Variants in QRSL1 observed in about 807,000 individuals in gnomAD.
The protein encoded by QRSL1 is glutamyl-tRNA(Gln) amidotransferase subunit A, mitochondrial.
A neutral mutation model predicts 61.6 loss-of-function variants in QRSL1; 54 were observed. The observed-to-expected ratio is 0.88, with a 90% CI of 0.70 to 1.10. The LOEUF is 1.10. QRSL1 is among the 50% of genes least tolerant of loss of function. The pLI is 0.00. For missense variants in QRSL1, 505 were observed against 622.6 expected (o/e 0.81, Z 2.01); for synonymous variants, 228 against 225.7 (o/e 1.01, Z -0.09).
At position 106,643,096 on chromosome 6, in the gene QRSL1, T is replaced by TA; in HGVS notation, c.380+10dup. On this transcript the variant is annotated splice_region_variant and intron_variant, in intron 4 of 10. Coordinates refer to ENST00000369046, the MANE Select transcript of QRSL1 (RefSeq NM_018292.5). Reference sequence around the variant, plus strand: ...TTAGATGAGTTTGCTATGGGGTAAGTAAAATTGAAATCTTCTCTTGAGTTT... The same window carrying TA: ...TTAGATGAGTTTGCTATGGGGTAAGTAAAAATTGAAATCTTCTCTTGAGTTT... 1 of 1,565,858 alleles carries TA rather than the reference T, an allele frequency of 6.4e-7. No homozygotes were observed. Among genetic ancestry groups the TA allele is most frequent in the Non-Finnish European group, 8.7e-7 (1 of 1,142,956 alleles).
chr6:106,660,333 C>A (rs60880234), intron 9 of QRSL1, among the ~76,000 whole-genome samples: 5 of 151,384 alleles, frequency 3.3e-5, no homozygotes, highest in South Asian at 2.1e-4. Flanking sequence ...ACTCCCCACC[C>A]CCCCCGTGAA....
intron 9 of QRSL1, among the ~76,000 whole-genome samples, chr6:106,658,956 CT>C (rs111877084): frequency 0.086 from 12,960 of 151,570 alleles, 607 homozygotes; most frequent in East Asian, 0.11. Flanking sequence ...ACACTACATT[CT>C]TTTTTTTTCC....
chr6:106,643,678 C>T (rs1777060792), intron 4 of QRSL1, among the ~76,000 whole-genome samples: 1 of 142,466 alleles, frequency 7.0e-6, no homozygotes, highest in South Asian at 2.2e-4. Context: ...GCAACTCTGT[C>T]TCAAAAAAAA....
intron 7 of QRSL1, among the ~76,000 whole-genome samples, chr6:106,654,407 A>G (rs1379481925): frequency 6.6e-6 from 1 of 150,796 alleles, no homozygotes; most frequent in Admixed American, 6.6e-5. Flanking sequence ...CATTTAACAT[A>G]TATGCTGATA....
Position 106,666,006 on chromosome 6 carries a change from T to A in QRSL1, c.*4T>A, listed in dbSNP as rs780472192. On this transcript the variant is annotated 3_prime_UTR_variant, in exon 11 of 11. Coordinates refer to ENST00000369046, the MANE Select transcript of QRSL1 (RefSeq NM_018292.5). ...CTCTGTCTCTCTAAAACAGTAAACATATCTTACAAATTAAAATGACTTTTA... is the reference window on the plus strand; with the variant it reads ...CTCTGTCTCTCTAAAACAGTAAACAAATCTTACAAATTAAAATGACTTTTA... 3.1e-6 allele frequency: 5 copies of A among 1,611,636 alleles called. No individual in the cohort carries two copies. In the African/African-American group the frequency reaches 6.7e-5, roughly 22 times the overall value.
intron 3 of QRSL1, chr6:106,642,375 T>A (rs1777035573): frequency 4.8e-6 from 2 of 412,958 alleles, no homozygotes; most frequent in African/African-American, 2.0e-5. Context: ...TTCTTACATA[T>A]GATTTACATG....
intron 9 of QRSL1, among the ~76,000 whole-genome samples, chr6:106,661,792 A>G (rs3789230): frequency 0.038 from 4,806 of 127,096 alleles, 267 homozygotes; most frequent in East Asian, 0.24. Flanking sequence ...GCTCACTACA[A>G]CCTCCGCCTC....
chr6:106,632,324 T>G (rs1771779389), intron 1 of QRSL1, among the ~76,000 whole-genome samples: 1 of 152,234 alleles, frequency 6.6e-6, no homozygotes, highest in African/African-American at 2.4e-5. Flanking sequence ...TAGGTGCATA[T>G]ATACGTAGCA....
At chr6:106,634,152 T>C (rs112503819) in intron 1 of QRSL1, among the ~76,000 whole-genome samples, 1 of 151,974 alleles carries the variant, frequency 6.6e-6, no homozygotes, top group Non-Finnish European at 1.5e-5. Flanking sequence ...TCTGAGAGAA[T>C]AGTGTTCCAG....
chr6:106,663,246 T>TC (rs1582422859), intron 10 of QRSL1, 61 bp downstream of exon 10: 16 of 1,512,646 alleles, frequency 1.1e-5, no homozygotes, highest in Non-Finnish European at 1.4e-5. Context: ...ACCCTGGTCT[T>TC]CAACTTAAGA....
At chr6:106,636,311 TCTG>T (rs1776919145) in intron 1 of QRSL1, among the ~76,000 whole-genome samples, 1 of 150,640 alleles carries the variant, frequency 6.6e-6, no homozygotes, top group East Asian at 1.9e-4. Flanking sequence ...GAATCCCAGC[TCTG>T]CTACTTTTTT....
At chr6:106,662,481 C>A (rs1043057795) in intron 9 of QRSL1, among the ~76,000 whole-genome samples, 1 of 140,048 alleles carries the variant, frequency 7.1e-6, no homozygotes, top group Non-Finnish European at 1.6e-5. Flanking sequence ...GCCAAGAATC[C>A]AGTGGTTCTT....
intron 3 of QRSL1, chr6:106,642,610 C>T: frequency 1.3e-6 from 1 of 762,810 alleles, no homozygotes; most frequent in Non-Finnish European, 2.4e-6. Flanking sequence ...AAGGAATGCC[C>T]CACAAGTGTT....
intron 5 of QRSL1, among the ~76,000 whole-genome samples, chr6:106,649,943 A>G (rs1777167965): frequency 6.6e-6 from 1 of 152,166 alleles, no homozygotes; most frequent in Admixed American, 6.5e-5. Context: ...CCCCTTAATT[A>G]TCCATTAAAA....
intron 1 of QRSL1, among the ~76,000 whole-genome samples, chr6:106,637,182 A>G (rs546565151): frequency 6.6e-6 from 1 of 152,242 alleles, no homozygotes; most frequent in Non-Finnish European, 1.5e-5. Flanking sequence ...GGCTGTGTGG[A>G]TAGTAAAGTA....
At chr6:106,638,031 G>A (rs568478655) in intron 1 of QRSL1, among the ~76,000 whole-genome samples, 1 of 152,314 alleles carries the variant, frequency 6.6e-6, no homozygotes, top group South Asian at 2.1e-4. Flanking sequence ...TACCAGTCTG[G>A]AAGCAGCTTG....
chr6:106,648,761 A>G (rs1777151681), intron 4 of QRSL1, among the ~76,000 whole-genome samples: 1 of 152,192 alleles, frequency 6.6e-6, no homozygotes, highest in Non-Finnish European at 1.5e-5. Flanking sequence ...TCTTCAGTTG[A>G]ATTGGATGAT....
intron 3 of QRSL1, among the ~76,000 whole-genome samples, chr6:106,641,402 C>T (rs577688957): frequency 2.0e-4 from 31 of 152,228 alleles, no homozygotes; most frequent in Non-Finnish European, 4.1e-4. Context: ...CAATACCCTT[C>T]TGTGGATGAC....
intron 5 of QRSL1, among the ~76,000 whole-genome samples, chr6:106,651,285 C>G (rs1233167996): frequency 6.6e-6 from 1 of 152,038 alleles, no homozygotes; most frequent in African/African-American, 2.4e-5. Context: ...AATGAACAGT[C>G]ACTTTGTAGT....
Sources: gnomAD v4.1 joint callset for allele counts (sites outside exome capture counted in the v4.1 genomes callset) on GRCh38, gnomAD v4.1.1 for gene constraint, MANE v1.5 for transcripts, NCBI Gene and HGNC (gene_info 2026-07-23, HGNC 2026-07-21) for gene names.